The following SAG variants were observed in gnomAD, a reference collection of about 807,000 sequenced individuals.
The protein encoded by SAG is S-arrestin.
A neutral mutation model predicts 55.0 loss-of-function variants in SAG; 45 were observed. The ratio of observed to expected loss-of-function variants is 0.82; its 90% CI spans 0.64 to 1.05. The LOEUF (loss-of-function observed/expected upper bound fraction) is 1.05. Ranked by LOEUF, SAG falls within the 50% of genes least tolerant of loss-of-function variation. The pLI is 0.00. For synonymous variants in SAG, 189 were observed against 197.4 expected, an observed-to-expected ratio of 0.96 and a Z score of 0.36; for missense variants, 455 against 512.1, an observed-to-expected ratio of 0.89 and a Z score of 1.08.
intron 6 of SAG, among the ~76,000 whole-genome samples, chr2:233,323,537 A>G (rs558085774): frequency 6.7e-5 from 10 of 150,362 alleles, no homozygotes; most frequent in Non-Finnish European, 1.5e-4. Context: ...CTAATTTTGT[A>G]ATTTTAATAG....
intron 14 of SAG, chr2:233,343,421 A>G: frequency 4.8e-6 from 1 of 208,608 alleles, no homozygotes; most frequent in South Asian, 5.4e-5. Context: ...TTATGGTAAG[A>G]ATACAGAAAA....
chr2:233,346,190 A>C, intron 14 of SAG: 1 of 332,924 alleles, frequency 3.0e-6, no homozygotes, highest in Non-Finnish European at 5.3e-6. Context: ...AAAATAAATA[A>C]AATGCAAGGA....
At chr2:233,344,257 G>A (rs13417044) in intron 14 of SAG, 33,471 of 151,758 alleles carry the variant, frequency 0.22, 4,659 homozygotes, top group African/African-American at 0.4. Context: ...TGCAACCTCC[G>A]CCTCCCGAGT....
intron 2 of SAG, among the ~76,000 whole-genome samples, chr2:233,313,395 G>T (rs1484251269): frequency 1.3e-5 from 2 of 152,232 alleles, no homozygotes; most frequent in African/African-American, 4.8e-5. Flanking sequence ...CCACGCACAA[G>T]GCGCTGGGGT....
intron 8 of SAG, 50 bp from the exon 9 acceptor site, chr2:233,329,443 A>C (rs1339422902): frequency 1.8e-6 from 2 of 1,118,712 alleles, no homozygotes; most frequent in Non-Finnish European, 2.7e-6. Context: ...AAGATTAAAG[A>C]CACCGCCACA....
chr2:233,319,073 C>T lies in SAG; in HGVS notation c.181+278C>T, dbSNP rs948434204. The stretch of plus-strand genomic sequence containing the variant: ...GGAGCCCAGGTCTGTGGCCCCCATT[C>T]CTGTTTGCTCGCCCCTGTTTCATGT... On this transcript the variant is annotated intron_variant, in intron 4 of 15. Transcript: ENST00000409110. This position sits in a 1 kb window ranked among gnomAD's most constrained non-coding sequence, Gnocchi z 4.4. 8.0e-6 allele frequency: 5 copies of T among 625,194 alleles called. No homozygotes were observed. Among genetic ancestry groups the T allele is most frequent in the Non-Finnish European group, 1.5e-5 (5 of 326,488 alleles). 38.7% of individuals were successfully genotyped at this position (625,194 alleles called of 1,614,324 possible).
Position 233,311,446 on chromosome 2 carries a change from A to T in SAG, c.75+2182A>T, listed in dbSNP as rs76688156. On this transcript the variant is annotated intron_variant, in intron 2 of 15. Coordinates refer to ENST00000409110, the MANE Select transcript of SAG (RefSeq NM_000541.5). Reference sequence around the variant, plus strand: ...TGGGTCACATGTCCACTGTAAACCAATCCCAAGCCAGAAGAATTAGATGAT... The same window carrying T: ...TGGGTCACATGTCCACTGTAAACCATTCCCAAGCCAGAAGAATTAGATGAT... 1.4e-4 allele frequency among the ~76,000 whole-genome samples: 21 copies of T among 152,318 alleles called. No homozygotes were observed. The East Asian group carries it at 3.3e-3, about 24-fold the overall frequency.
chr2:233,331,561 G>A, intron 9 of SAG, 79 bp from the exon 10 acceptor site: 1 of 869,862 alleles, frequency 1.1e-6, no homozygotes, highest in Non-Finnish European at 2.0e-6. Flanking sequence ...AGACCAGCGT[G>A]TACCCTGGGA....
chr2:233,325,943 G>A (rs1700539825), intron 6 of SAG, among the ~76,000 whole-genome samples: 1 of 152,200 alleles, frequency 6.6e-6, no homozygotes, highest in Non-Finnish European at 1.5e-5. Context: ...TTTCCACTTA[G>A]AGTTTAGGAC....
At chr2:233,314,352 G>T (rs1043408241) in intron 2 of SAG, among the ~76,000 whole-genome samples, 4 of 152,168 alleles carry the variant, frequency 2.6e-5, no homozygotes, top group Admixed American at 2.0e-4. Flanking sequence ...GGCCCTCAGG[G>T]CTACCTCCCA....
At position 233,340,363 on chromosome 2, in the gene SAG, G is replaced by A; in HGVS notation, c.1023-92G>A. On this transcript the variant is annotated intron_variant, in intron 12 of 15. Transcript: ENST00000409110. This position sits in a 1 kb window ranked among gnomAD's most constrained non-coding sequence, Gnocchi z 4.2. ...TTGTGAGTTCGGGTGCAAGGGCCATGAGAGCTGGGCTGTGTCCTGCCTCTG... is the reference window on the plus strand; with the variant it reads ...TTGTGAGTTCGGGTGCAAGGGCCATAAGAGCTGGGCTGTGTCCTGCCTCTG... 4 of 1,114,696 alleles carry A rather than the reference G, an allele frequency of 3.6e-6. No individual in the cohort carries two copies. The highest frequency in any genetic ancestry group is 4.0e-6 in the Non-Finnish European group (3 of 743,360). The allele number at this position is 1,114,696 out of a possible 1,614,324, so 69.1% of individuals were successfully genotyped here.
intron 11 of SAG, among the ~76,000 whole-genome samples, chr2:233,336,015 A>C (rs1408990104): frequency 6.6e-6 from 1 of 152,270 alleles, no homozygotes; most frequent in Non-Finnish European, 1.5e-5. Flanking sequence ...GGCAGAAAGC[A>C]GGTGGAAGTC....
chr2:233,309,446 G>A (rs1370638858), intron 2 of SAG, among the ~76,000 whole-genome samples, 182 bp downstream of exon 2: 1 of 151,966 alleles, frequency 6.6e-6, no homozygotes, highest in African/African-American at 2.4e-5. Flanking sequence ...CCAGGAGTTC[G>A]AGACCAGCCT....
At chr2:233,335,180 GCTCGCA>G in intron 11 of SAG, 81 bp downstream of exon 11, 5 of 1,520,222 alleles carry the variant, frequency 3.3e-6, no homozygotes, top group Non-Finnish European at 3.6e-6. Context: ...ACCCTGCTGG[GCTCGCA>G]GGCACGCACG....
intron 14 of SAG, chr2:233,345,036 C>T (rs1023927167): frequency 6.6e-5 from 10 of 152,166 alleles, no homozygotes; most frequent in African/African-American, 2.2e-4. Flanking sequence ...GGCCCCTGTA[C>T]GTAGCGACCC....
chr2:233,343,810 T>C (rs13034557), intron 14 of SAG: 1 of 973,844 alleles, frequency 1.0e-6, no homozygotes, highest in Non-Finnish European at 1.2e-6. Context: ...AGGGTTTATT[T>C]TTCTCATACT....
chr2:233,320,490 T>G (rs1574933999), intron 4 of SAG, 140 bp from the exon 5 acceptor site: 1 of 597,346 alleles, frequency 1.7e-6, no homozygotes. Flanking sequence ...AGTAGCTGGG[T>G]GGCAGGGTTC....
rs752977223 is a variant in SAG at position 233,346,892 on chromosome 2, A to G, written c.1198A>G (p.Lys400Glu). The G allele has an allele frequency of 8.7e-6, 14 of 1,609,688 alleles. No homozygotes were observed. Among genetic ancestry groups the G allele is most frequent in the Admixed American group, 1.7e-5 (1 of 59,870 alleles). ...AGEAEEGKRD[K>E]NDVDE ...AGAAGCTGAGGAGGGGAAGAGAGACAAGAATGACGTTGATGAGTGAAGATG... is the reference window on the plus strand; with the variant it reads ...AGAAGCTGAGGAGGGGAAGAGAGACGAGAATGACGTTGATGAGTGAAGATG... The change falls in exon 16 of 16, where the codon AAG becomes GAG. Residue 400 changes from lysine to glutamate, a missense_variant. Coordinates refer to ENST00000409110, the MANE Select transcript of SAG (RefSeq NM_000541.5).
At chr2:233,337,938 G>A (rs989077701) in intron 11 of SAG, among the ~76,000 whole-genome samples, 4 of 152,222 alleles carry the variant, frequency 2.6e-5, no homozygotes, top group African/African-American at 7.2e-5. Context: ...ACTTCAGTAC[G>A]TATTAGTGGG....
Sources: allele counts gnomAD v4.1 joint callset (sites outside exome capture counted in the v4.1 genomes callset), GRCh38; gene constraint gnomAD v4.1.1; non-coding constraint Gnocchi (gnomAD v3.1); transcripts MANE v1.5; gene names NCBI Gene and HGNC (gene_info 2026-07-23, HGNC 2026-07-21).